The following PAK1 variants were observed in gnomAD, a reference collection of about 807,000 sequenced individuals.
PAK1 encodes serine/threonine-protein kinase PAK 1.
In PAK1, 29 loss-of-function variants were observed where a neutral mutation model predicts 67.4. That is an observed-to-expected ratio of 0.43 (90% CI 0.32 to 0.59). The LOEUF is 0.59. PAK1 is among the 20% of genes least tolerant of loss of function. The pLI is 0.07. For synonymous variants in PAK1, 223 were observed against 237.4 expected (o/e 0.94, Z 0.56); for missense variants, 337 against 670.7 (o/e 0.50, Z 5.50).
chr11:77,356,065 A>C, intron 6 of PAK1: 3 of 432,812 alleles, frequency 6.9e-6, no homozygotes, highest in Middle Eastern at 6.0e-4. Flanking sequence ...GAGTCTCAGC[A>C]CTAAAGATAT....
At chr11:77,498,307 A>G in the PAK1 span, among the ~76,000 whole-genome samples, 16 of 152,230 alleles carry the variant, frequency 1.1e-4, no homozygotes, top group Admixed American at 9.2e-4. Flanking sequence ...TTCCAAAAGG[A>G]AAAGTTTATT....
chr11:77,431,163 A>C (rs1955842210), intron 1 of PAK1, among the ~76,000 whole-genome samples: 1 of 151,860 alleles, frequency 6.6e-6, no homozygotes, highest in African/African-American at 2.4e-5. Flanking sequence ...TATTTAGTGC[A>C]TTTTTGCTAC....
At chr11:77,389,146 C>T (rs1220467018) in intron 2 of PAK1, among the ~76,000 whole-genome samples, 2 of 152,202 alleles carry the variant, frequency 1.3e-5, no homozygotes, top group African/African-American at 4.8e-5. Context: ...TATGAATTTA[C>T]CAATGCTGGA....
At chr11:77,458,784 G>A (rs144370852) in intron 1 of PAK1, among the ~76,000 whole-genome samples, 123 of 152,254 alleles carry the variant, frequency 8.1e-4, no homozygotes, top group African/African-American at 2.9e-3. Context: ...GAAAATTCAA[G>A]AAAGTTTGAT....
At chr11:77,399,857 T>A (rs1261042582) in intron 1 of PAK1, among the ~76,000 whole-genome samples, 1 of 842 alleles carries the variant, frequency 1.2e-3, no homozygotes, top group Non-Finnish European at 0.042. Context: ...AGACTCCGTC[T>A]CAAAAAAAAA....
chr11:77,430,139 T>G (rs1955792899), intron 1 of PAK1, among the ~76,000 whole-genome samples: 1 of 152,060 alleles, frequency 6.6e-6, no homozygotes, highest in South Asian at 2.1e-4. Flanking sequence ...ATAGGGCTTG[T>G]GTGGTGCCAA....
chr11:77,349,432 A>C, intron 8 of PAK1, 145 bp from the exon 9 acceptor site: 2 of 689,022 alleles, frequency 2.9e-6, no homozygotes, highest in East Asian at 2.8e-5. Context: ...ATCCATTCTC[A>C]CATTTAAGAA....
At chr11:77,495,245 G>A in the PAK1 span, among the ~76,000 whole-genome samples, 4 of 151,314 alleles carry the variant, frequency 2.6e-5, no homozygotes, top group South Asian at 2.1e-4. Flanking sequence ...AGACCAAAAC[G>A]GGCAAATCAT....
chr11:77,509,842 A>G, the PAK1 span, among the ~76,000 whole-genome samples: 1 of 152,172 alleles, frequency 6.6e-6, no homozygotes, highest in African/African-American at 2.4e-5. Flanking sequence ...CCAGATGCCA[A>G]GCAGATGCTG....
At chr11:77,397,314 G>A (rs996513799) in intron 1 of PAK1, among the ~76,000 whole-genome samples, 2 of 152,180 alleles carry the variant, frequency 1.3e-5, no homozygotes, top group African/African-American at 2.4e-5. Flanking sequence ...ATAAATGCAG[G>A]ATCACTGTGA....
intron 4 of PAK1, among the ~76,000 whole-genome samples, chr11:77,375,401 G>T (rs886635529): frequency 3.3e-5 from 5 of 152,176 alleles, no homozygotes; most frequent in African/African-American, 1.2e-4. Flanking sequence ...AGGACAAAAG[G>T]ACTAAGGTTG....
chr11:77,401,985 T>C (rs917555466), intron 1 of PAK1, among the ~76,000 whole-genome samples: 2 of 152,166 alleles, frequency 1.3e-5, no homozygotes, highest in Non-Finnish European at 2.9e-5. Flanking sequence ...TAAGGCAGCC[T>C]GGGTTAGCAG....
intron 1 of PAK1, among the ~76,000 whole-genome samples, chr11:77,404,123 T>C (rs946465972): frequency 4.6e-5 from 7 of 152,216 alleles, no homozygotes; most frequent in Non-Finnish European, 1.0e-4. Context: ...TTCTTTTCTT[T>C]AGAAATTACC....
chr11:77,454,160 C>T (rs1056610175), intron 1 of PAK1, among the ~76,000 whole-genome samples: 2 of 152,190 alleles, frequency 1.3e-5, no homozygotes, highest in Non-Finnish European at 1.5e-5. Context: ...TGCTAAATTA[C>T]GTACTAGGCA....
the PAK1 span, among the ~76,000 whole-genome samples, chr11:77,524,209 A>G: frequency 3.0e-3 from 464 of 152,342 alleles, 9 homozygotes; most frequent in Admixed American, 0.025. Flanking sequence ...TAATGTTCTA[A>G]TTGTCATCAG....
At chr11:77,516,103 C>T in the PAK1 span, among the ~76,000 whole-genome samples, 1 of 152,142 alleles carries the variant, frequency 6.6e-6, no homozygotes, top group Non-Finnish European at 1.5e-5. Context: ...CTCTCTAAGC[C>T]TCAGTTTCCT....
chr11:77,358,543 G>C (rs1946350632), intron 6 of PAK1, among the ~76,000 whole-genome samples: 1 of 152,128 alleles, frequency 6.6e-6, no homozygotes, highest in Non-Finnish European at 1.5e-5. Flanking sequence ...TCTGTAGCAA[G>C]ACAATTTGTT....
At chr11:77,449,159 C>T (rs965427674) in intron 1 of PAK1, among the ~76,000 whole-genome samples, 3 of 152,224 alleles carry the variant, frequency 2.0e-5, no homozygotes, top group African/African-American at 4.8e-5. Context: ...GGGGACAAGA[C>T]TTGACTTGAT....
At position 77,358,920 on chromosome 11, in the gene PAK1, G is replaced by A; in HGVS notation, c.575C>T (p.Pro192Leu). The A allele has an allele frequency of 6.2e-7, 1 of 1,613,626 alleles. No homozygotes were observed. The highest frequency in any genetic ancestry group is 8.5e-7 in the Non-Finnish European group (1 of 1,179,684). Residue 192 changes from proline (P) to leucine (L), a missense_variant, in exon 6 of 15, where the codon CCA (proline) becomes CTA (leucine). Physicochemically the swap from Pro to Leu is moderately conservative, Grantham distance 98 (BLOSUM62 -3). This residue lies in a region of PAK1 where 150 missense variants were observed against 179.0 expected (regional missense o/e 0.84). Transcript: ENST00000356341. ...DDATPPPVIA[P>L]RPEHTKSVYT... is the part of the protein sequence containing the mutation. The stretch of plus-strand genomic sequence containing the variant: ...CACAGATTTTGTGTGCTCTGGGCGT[G>A]GAGCAATCACTGGTGGTGGGGTAGC...
Sources: gnomAD v4.1 joint callset for allele counts (sites outside exome capture counted in the v4.1 genomes callset) on GRCh38, gnomAD v4.1.1 for gene constraint, gnomAD v4.1.1 regional missense constraint, MANE v1.5 for transcripts, NCBI Gene and HGNC (gene_info 2026-07-23, HGNC 2026-07-21) for gene names.